Variants in NFRKB observed in about 807,000 individuals in gnomAD.
The protein encoded by NFRKB is nuclear factor related to kappaB binding protein, also known as nuclear factor related to kappa-B-binding protein.
A neutral mutation model predicts 135.7 loss-of-function variants in NFRKB; 62 were observed. The ratio of observed to expected loss-of-function variants is 0.46; its 90% CI spans 0.37 to 0.56. NFRKB has a LOEUF of 0.56. Among genes scored for constraint, NFRKB ranks in the 20% least tolerant of loss-of-function variants. The probability of loss-of-function intolerance (pLI) is 0.00; values close to 1 mark genes in which losing one functional copy is unlikely to be tolerated. For synonymous variants in NFRKB, 678 were observed against 635.6 expected (o/e 1.07, Z -1.00); for missense variants, 1,545 against 1,662.0 (o/e 0.93, Z 1.22).
intron 1 of NFRKB, among the ~76,000 whole-genome samples, chr11:129,895,252 G>T (rs1211695246): frequency 6.6e-6 from 1 of 152,088 alleles, no homozygotes; most frequent in Admixed American, 6.6e-5. Flanking sequence ...ATTCCCCTCC[G>T]GTGCCAGCCC....
intron 17 of NFRKB, 85 bp from the exon 18 acceptor site, chr11:129,875,548 A>C: frequency 9.6e-7 from 1 of 1,042,294 alleles, no homozygotes; most frequent in Non-Finnish European, 1.4e-6. Context: ...GTGATGGGCA[A>C]AGCTGCCTGG....
In NFRKB at chr11:129,869,516, G is replaced by A. The variant is rs772887103; in HGVS notation, c.3509C>T (p.Thr1170Met). The A allele has an allele frequency of 8.1e-6, 13 of 1,611,560 alleles. No homozygotes were observed. The highest frequency in any genetic ancestry group is 3.3e-5 in the Admixed American group (2 of 59,912). The change falls in exon 24 of 27, where the codon ACG (threonine) becomes ATG (methionine). Residue 1170 changes from threonine to methionine, a missense_variant. Physicochemically the swap from Thr to Met is moderately conservative, Grantham distance 81 (BLOSUM62 -1). Around this residue, in one of 3 missense-constraint regions of NFRKB, gnomAD observed 753 missense variants for 804.3 expected, o/e 0.94. Transcript: ENST00000682444. ...CACAGCCTGGGACGTGGACACAACC[G>A]TGGTGCTGACAGGGACCTGCCGCAC... ...PTVRQVPVSTTVVSTSQAGKL... is the reference protein window; with the variant it reads ...PTVRQVPVSTMVVSTSQAGKL...
Position 129,876,818 on chromosome 11 carries a change from C to T in NFRKB, c.1650G>A (p.Val550=). 2 of 1,614,170 alleles carry T rather than the reference C, an allele frequency of 1.2e-6. No individual in the cohort carries two copies. Among genetic ancestry groups the T allele is most frequent in the Non-Finnish European group, 1.7e-6 (2 of 1,180,022 alleles). ...AGGTCTCCTTGTCAAACACGCCCTT[C>T]ACTGGCCCCACCACAGACTCAAAGC... The part of the protein sequence containing the change: ...MHGFESVVGP[V]KGVFDKETSL... Residue 550 remains valine, a synonymous_variant, in exon 17 of 27, where the codon GTG becomes GTA. Coordinates refer to ENST00000682444, the MANE Select transcript of NFRKB (RefSeq NM_001143835.2).
intron 17 of NFRKB, among the ~76,000 whole-genome samples, chr11:129,875,973 A>G (rs1419218395): frequency 6.6e-6 from 1 of 152,128 alleles, no homozygotes; most frequent in East Asian, 1.9e-4. Context: ...CACTTTTAAG[A>G]GTCACTTTTA....
At chr11:129,875,780 C>T (rs147552015) in intron 17 of NFRKB, among the ~76,000 whole-genome samples, 1,564 of 151,942 alleles carry the variant, frequency 0.01, 20 homozygotes, top group African/African-American at 0.036. Flanking sequence ...CCTCAGCCTC[C>T]CTAGTAGCTG....
At chr11:129,884,288 G>C (rs1321177030) in intron 7 of NFRKB, 145 bp from the exon 8 acceptor site, 1 of 795,836 alleles carries the variant, frequency 1.3e-6, no homozygotes, top group East Asian at 2.6e-5. Flanking sequence ...TCACAGGATC[G>C]ACACTTCCAC....
At chr11:129,889,402 GC>G (rs1949431600) in intron 3 of NFRKB, among the ~76,000 whole-genome samples, 1 of 152,114 alleles carries the variant, frequency 6.6e-6, no homozygotes, top group African/African-American at 2.4e-5. Context: ...AGCCACCTCT[GC>G]CAACGAGGGT....
chr11:129,867,292 A>C (rs1454737911), intron 24 of NFRKB, among the ~76,000 whole-genome samples: 1 of 151,426 alleles, frequency 6.6e-6, no homozygotes, highest in East Asian at 1.9e-4. Context: ...TCCTTATTTC[A>C]ACTTCTATGA....
At chr11:129,888,439 G>A (rs777436511) in intron 4 of NFRKB, 155 bp downstream of exon 4, 50 of 778,980 alleles carry the variant, frequency 6.4e-5, no homozygotes, top group Non-Finnish European at 1.0e-4. Flanking sequence ...TTAGAACACA[G>A]CCTAGACAGC....
chr11:129,886,407 C>A lies in NFRKB; in HGVS notation c.375G>T (p.Gln125His). 1.2e-6 allele frequency: 2 copies of A among 1,614,050 alleles called. No homozygotes were observed. The highest frequency in any genetic ancestry group is 1.7e-6 in the Non-Finnish European group (2 of 1,180,016). ...HFNPEVVKYRQLCFKSQYKRY... is the reference protein window; with the variant it reads ...HFNPEVVKYRHLCFKSQYKRY... ...GCTTGTACTGTGACTTGAAGCATAACTGCCGGTACTTGACCACCTCGGGGT... is the reference window on the plus strand; with the variant it reads ...GCTTGTACTGTGACTTGAAGCATAAATGCCGGTACTTGACCACCTCGGGGT... The change falls in exon 5 of 27, where the codon CAG becomes CAT. Residue 125 changes from glutamine to histidine, a missense_variant. Physicochemically the swap from Gln to His is conservative, Grantham distance 24. Coordinates refer to ENST00000682444, the MANE Select transcript of NFRKB (RefSeq NM_001143835.2).
At chr11:129,893,389 C>CAA (rs375172554) in intron 2 of NFRKB, 6,348 of 115,474 alleles carry the variant, frequency 0.055, 1,100 homozygotes, top group African/African-American at 0.14. Context: ...CCCTTCTCTA[C>CAA]AAAAAAAAAA....
intron 4 of NFRKB, among the ~76,000 whole-genome samples, chr11:129,887,562 A>G (rs935786784): frequency 6.6e-6 from 1 of 152,208 alleles, no homozygotes; most frequent in East Asian, 1.9e-4. Flanking sequence ...GAAGCAGGAC[A>G]TTTTATAATT....
At position 129,886,362 on chromosome 11, in the gene NFRKB, C is replaced by T. The variant is rs1303590570; in HGVS notation, c.420G>A (p.Gln140=). 1.9e-6 allele frequency: 3 copies of T among 1,614,038 alleles called. No homozygotes were observed. Among genetic ancestry groups the T allele is most frequent in the Non-Finnish European group, 2.5e-6 (3 of 1,180,034 alleles). ...GCTTCAGCAGCCGATGGAAATACTGCTGCTGGGAGTTGAGGTAGCGCTTGT... is the reference window on the plus strand; with the variant it reads ...GCTTCAGCAGCCGATGGAAATACTGTTGCTGGGAGTTGAGGTAGCGCTTGT... ...SQYKRYLNSQ[Q]QYFHRLLKQI... The change falls in exon 5 of 27, where the codon CAG becomes CAA. Residue 140 remains glutamine (Q), a synonymous_variant. Coordinates refer to ENST00000682444, the MANE Select transcript of NFRKB (RefSeq NM_001143835.2).
chr11:129,893,254 A>G (rs1949636489), intron 2 of NFRKB: 1 of 532,740 alleles, frequency 1.9e-6, no homozygotes, highest in Admixed American at 2.8e-5. Flanking sequence ...TTTTTTAGCA[A>G]TTAATTCTTT....
In NFRKB at chr11:129,870,157, C is replaced by T. The variant is rs368041522; in HGVS notation, c.2868G>A (p.Pro956=). The T allele has an allele frequency of 1.6e-5, 26 of 1,614,070 alleles. No homozygotes were observed. Among genetic ancestry groups the T allele is most frequent in the Non-Finnish European group, 1.9e-5 (22 of 1,180,038 alleles). Residue 956 remains proline, a synonymous_variant, in exon 24 of 27, where the codon CCG becomes CCA. Coordinates refer to ENST00000682444, the MANE Select transcript of NFRKB (RefSeq NM_001143835.2). ...TGGCATCTGTGGTGATGGAAGAGGG[C>T]GGCAGACGCAATACATCCTTACCCT... ...RIQGKDVLRL[P]PSSITTDAKG...
intron 25 of NFRKB, 40 bp from the exon 26 acceptor site, chr11:129,865,141 C>T: frequency 6.3e-7 from 1 of 1,586,636 alleles, no homozygotes; most frequent in Non-Finnish European, 8.6e-7. Context: ...ATGATATCGA[C>T]AGGTATTCTC....
In NFRKB at chr11:129,892,896, C is replaced by T. The variant is rs751503486; in HGVS notation, c.-21-26G>A. ...CTGGACAAAGACATGCATCTTGAGACAGAAAGGCAGAAATTCCAGGGATCT... is the reference window on the plus strand; with the variant it reads ...CTGGACAAAGACATGCATCTTGAGATAGAAAGGCAGAAATTCCAGGGATCT... On this transcript the variant is annotated intron_variant, in intron 2 of 26. Coordinates refer to ENST00000682444, the MANE Select transcript of NFRKB (RefSeq NM_001143835.2). The T allele has an allele frequency of 1.9e-6, 3 of 1,613,664 alleles. No homozygotes were observed. The South Asian group carries it at 3.3e-5, about 18-fold the overall frequency.
At position 129,894,630 on chromosome 11, in the gene NFRKB, G is replaced by A. The variant is rs1949694029; in HGVS notation, c.-101-192C>T. On this transcript the variant is annotated intron_variant, in intron 1 of 26. Transcript: ENST00000682444. ...ATGTAAAGATATAGCAGAAACTTAA[G>A]CGTTGAGTCAAGTCACGTGGGTGGT... is the stretch of plus-strand genomic sequence containing the variant. Among the ~76,000 whole-genome samples the A allele has an allele frequency of 2.0e-5, 3 of 152,216 alleles. No individual in the cohort carries two copies. The South Asian group carries it at 6.2e-4, about 31-fold the overall frequency.
chr11:129,882,868 C>A (rs1555089169), intron 9 of NFRKB, among the ~76,000 whole-genome samples: 4 of 152,116 alleles, frequency 2.6e-5, no homozygotes, highest in Non-Finnish European at 5.9e-5. Context: ...ACTACAGCCT[C>A]AATCTCCCCG....
Sources: gnomAD v4.1 joint callset for allele counts (sites outside exome capture counted in the v4.1 genomes callset) on GRCh38, gnomAD v4.1.1 for gene constraint, gnomAD v4.1.1 regional missense constraint, MANE v1.5 for transcripts, NCBI Gene and HGNC (gene_info 2026-07-23, HGNC 2026-07-21) for gene names.